The following VIPR1 variants were observed in gnomAD, a reference collection of about 807,000 sequenced individuals.
VIPR1 encodes the protein vasoactive intestinal polypeptide receptor 1.
VIPR1 carries 59 observed loss-of-function variants against 58.8 expected under a neutral mutation model. That is an observed-to-expected ratio of 1.00 (90% CI 0.81 to 1.25). VIPR1 has a LOEUF of 1.25. VIPR1 is among the 50% of genes most tolerant of loss of function. The pLI is 0.00. For missense variants in VIPR1, 626 were observed against 602.7 expected (o/e 1.04, Z -0.40); for synonymous variants, 251 against 242.1 (o/e 1.04, Z -0.34).
chr3:42,519,400 G>A, intron 3 of VIPR1, 70 bp downstream of exon 3: 10 of 1,395,446 alleles, frequency 7.2e-6, no homozygotes, highest in Non-Finnish European at 9.7e-6. Flanking sequence ...TCTCAAGGAA[G>A]TGGAAAGGCA....
chr3:42,509,379 C>T (rs1306153782), intron 1 of VIPR1: 9 of 152,226 alleles, frequency 5.9e-5, no homozygotes, highest in Admixed American at 1.3e-4. Context: ...GGCCTACGAA[C>T]CTGAGCATGG....
intron 3 of VIPR1, among the ~76,000 whole-genome samples, chr3:42,522,101 ATTTTTTTTTT>A (rs1158302778): frequency 8.5e-5 from 3 of 35,372 alleles, no homozygotes; most frequent in African/African-American, 3.2e-4. Context: ...ATATATATAT[ATTTTTTTTTT>A]TTTTTTTTTT....
chr3:42,517,646 A>G (rs1700700370), intron 2 of VIPR1, among the ~76,000 whole-genome samples: 1 of 152,078 alleles, frequency 6.6e-6, no homozygotes, highest in Non-Finnish European at 1.5e-5. Context: ...ACAATTCACA[A>G]TCCGACCACG....
chr3:42,527,151 C>A (rs570032359), intron 4 of VIPR1, among the ~76,000 whole-genome samples: 148 of 152,232 alleles, frequency 9.7e-4, no homozygotes, highest in Middle Eastern at 3.4e-3. Context: ...CGTAAAGAAG[C>A]AAAGACAGGA....
Position 42,489,679 on chromosome 3 carries a change from G to A in VIPR1, c.-245+1G>A, listed in dbSNP as rs1699631928. ...AACATCCAGCCCCACCGTGTGGACG[G>A]TAGGGTAAGACCCAGCCCTAGTCTG... is the stretch of plus-strand genomic sequence containing the variant. On this transcript the variant is annotated splice_donor_variant, in intron 1 of 13. Coordinates refer to the VIPR1 transcript ENST00000433647. LOFTEE classifies it low-confidence loss of function (5UTR_SPLICE). The A allele has an allele frequency of 6.6e-6, 1 of 152,216 alleles. No homozygotes were observed. Among genetic ancestry groups the A allele is most frequent in the African/African-American group, 2.4e-5 (1 of 41,448 alleles). 9.4% of individuals were successfully genotyped at this position (152,216 alleles called of 1,614,324 possible).
At chr3:42,525,531 CA>C (rs1179224789) in intron 3 of VIPR1, among the ~76,000 whole-genome samples, 1 of 152,158 alleles carries the variant, frequency 6.6e-6, no homozygotes, top group Non-Finnish European at 1.5e-5. Context: ...TGACAAGGGT[CA>C]GCATTCTGCT....
chr3:42,531,446 C>T (rs1288941658), intron 7 of VIPR1, 25 bp from the exon 8 acceptor site: 1 of 1,562,558 alleles, frequency 6.4e-7, no homozygotes, highest in Non-Finnish European at 8.7e-7. Context: ...CCTCTCTGCT[C>T]TTTCACTCTC....
chr3:42,534,788 C>T (rs1701753824), intron 10 of VIPR1, 187 bp from the exon 11 acceptor site: 1 of 702,640 alleles, frequency 1.4e-6, no homozygotes, highest in Admixed American at 3.3e-5. Flanking sequence ...GGCAGAAGGG[C>T]AGAGGCACTG....
At chr3:42,526,052 T>G in intron 4 of VIPR1, 59 bp downstream of exon 4, 1 of 1,488,208 alleles carries the variant, frequency 6.7e-7, no homozygotes, top group Non-Finnish European at 9.2e-7. Flanking sequence ...CTAGGAGACT[T>G]TGATCTCTCC....
intron 8 of VIPR1, 39 bp downstream of exon 8, chr3:42,531,570 C>T: frequency 6.3e-7 from 1 of 1,588,250 alleles, no homozygotes; most frequent in Non-Finnish European, 8.6e-7. Context: ...GCCGCCATCA[C>T]TTGGGCAGGC....
In VIPR1 at chr3:42,531,871, T is replaced by G; in HGVS notation, c.918+2T>G. 2 of 1,614,104 alleles carry G rather than the reference T, an allele frequency of 1.2e-6. No individual in the cohort carries two copies. Among genetic ancestry groups the G allele is most frequent in the Non-Finnish European group, 8.5e-7 (1 of 1,180,002 alleles). On this transcript the variant is annotated splice_donor_variant, in intron 9 of 12. Transcript: ENST00000325123. LOFTEE classifies it high-confidence loss of function. ...GGCCCCATCCTCACCTCCATCTTGG[T>G]AAGATACCCTCCCACCACCTAGAGA...
intron 1 of VIPR1, among the ~76,000 whole-genome samples, chr3:42,495,949 C>T (rs2125624517): frequency 6.6e-6 from 1 of 151,944 alleles, no homozygotes; most frequent in Non-Finnish European, 1.5e-5. Flanking sequence ...GAAGACCCAG[C>T]TAACCTTTAT....
chr3:42,535,908 T>C (rs1701815429), intron 12 of VIPR1, among the ~76,000 whole-genome samples, 182 bp from the exon 13 acceptor site: 1 of 152,174 alleles, frequency 6.6e-6, no homozygotes, highest in African/African-American at 2.4e-5. Flanking sequence ...CAAGGCCTCC[T>C]TCTGAACCTG....
intron 1 of VIPR1, 109 bp from the exon 2 acceptor site, chr3:42,513,640 T>C: frequency 8.5e-7 from 1 of 1,182,888 alleles, no homozygotes; most frequent in Non-Finnish European, 1.2e-6. Context: ...GGGTTCCATC[T>C]GGAACTTGGA....
intron 3 of VIPR1, among the ~76,000 whole-genome samples, chr3:42,522,096 T>C: frequency 4.2e-5 from 2 of 48,170 alleles, no homozygotes; most frequent in African/African-American, 2.6e-4. Flanking sequence ...TATATATATA[T>C]ATATATTTTT....
chr3:42,528,399 G>T, intron 6 of VIPR1: 1 of 474,896 alleles, frequency 2.1e-6, no homozygotes, highest in Admixed American at 3.3e-5. Flanking sequence ...ACACTTCATG[G>T]CCACAGCCCA....
chr3:42,535,007 C>A lies in VIPR1; in HGVS notation c.1043C>A (p.Pro348His). The A allele has an allele frequency of 1.2e-6, 2 of 1,614,192 alleles. No individual in the cohort carries two copies. The highest frequency in any genetic ancestry group is 3.3e-5 in the Admixed American group (2 of 60,022). ...GCCAGGTCCACACTCCTGCTGATCC[C>A]CCTGTTTGGAGTACACTACATCATG... ...RLARSTLLLI[P>H]LFGVHYIMFA... The change falls in exon 11 of 13, where the codon CCC (proline) becomes CAC (histidine). Residue 348 changes from proline (P) to histidine (H), a missense_variant. Coordinates refer to ENST00000325123, the MANE Select transcript of VIPR1 (RefSeq NM_004624.4).
In VIPR1 at chr3:42,532,205, C is replaced by T. The variant is rs115796261; in HGVS notation, c.919-37C>T. 2,952 of 1,604,340 alleles carry T rather than the reference C, an allele frequency of 1.8e-3. 50 individuals are homozygous for T. In the African/African-American group the frequency reaches 0.028, roughly 15 times the overall value. ...AGGGGCCTGAACACCTCAGCCTTCC[C>T]GCTCTGACTGCCCGAACTCGGGTCC... On this transcript the variant is annotated intron_variant, in intron 9 of 12. Transcript: ENST00000325123.
At chr3:42,514,119 C>G (rs564629317) in intron 2 of VIPR1, among the ~76,000 whole-genome samples, 132 of 152,134 alleles carry the variant, frequency 8.7e-4, no homozygotes, top group African/African-American at 3.1e-3. Flanking sequence ...CTCTGGGGGT[C>G]CCTATCCCTC....
Sources: allele counts gnomAD v4.1 joint callset (sites outside exome capture counted in the v4.1 genomes callset), GRCh38; gene constraint gnomAD v4.1.1; transcripts MANE v1.5; gene names NCBI Gene and HGNC (gene_info 2026-07-23, HGNC 2026-07-21).